Variants in TMCO6 observed in about 807,000 individuals in gnomAD.
The protein encoded by TMCO6 is transmembrane and coiled-coil domains 6, also known as transmembrane and coiled-coil domain-containing protein 6.
TMCO6 carries 47 observed loss-of-function variants against 61.8 expected under a neutral mutation model. That is an observed-to-expected ratio of 0.76 (90% CI 0.60 to 0.97). The LOEUF (loss-of-function observed/expected upper bound fraction) is 0.97. Ranked by LOEUF, TMCO6 falls within the 50% of genes least tolerant of loss-of-function variation. The pLI is 0.00. For synonymous variants in TMCO6, 261 were observed against 254.2 expected, an observed-to-expected ratio of 1.03 and a Z score of -0.25; for missense variants, 557 against 601.6, an observed-to-expected ratio of 0.93 and a Z score of 0.78.
downstream of TMCO6, chr5:140,647,382 G>A: frequency 6.2e-7 from 1 of 1,610,900 alleles, no homozygotes; most frequent in Non-Finnish European, 8.5e-7. Flanking sequence ...CGGAGAGAGC[G>A]CCGCGCGTGC....
upstream of TMCO6, among the ~76,000 whole-genome samples, chr5:140,634,921 T>C (rs1288572368): frequency 6.6e-6 from 1 of 152,220 alleles, no homozygotes; most frequent in African/African-American, 2.4e-5. Context: ...CGGCTGGGAT[T>C]ACAGGCATGT....
At chr5:140,633,144 G>T in the TMCO6 span, 1 of 1,586,338 alleles carries the variant, frequency 6.3e-7, no homozygotes, top group Non-Finnish European at 8.6e-7. Flanking sequence ...CCTACACAGC[G>T]GCACCCGCCG....
chr5:140,624,226 C>T, the TMCO6 span, among the ~76,000 whole-genome samples: 18 of 151,722 alleles, frequency 1.2e-4, no homozygotes, highest in Admixed American at 1.2e-3. Flanking sequence ...TTAGCCAGGC[C>T]TGGTGGTGCC....
chr5:140,596,899 A>G, the TMCO6 span, among the ~76,000 whole-genome samples: 1 of 152,224 alleles, frequency 6.6e-6, no homozygotes, highest in Admixed American at 6.5e-5. Flanking sequence ...TCTGTAAGTA[A>G]TAAAACTACT....
chr5:140,630,483 C>G, the TMCO6 span, among the ~76,000 whole-genome samples: 1 of 152,092 alleles, frequency 6.6e-6, no homozygotes, highest in Non-Finnish European at 1.5e-5. Context: ...TTCCCCCGAC[C>G]CCCACTGGAT....
chr5:140,640,286 C>T (rs1756934384), intron 2 of TMCO6, among the ~76,000 whole-genome samples: 1 of 152,204 alleles, frequency 6.6e-6, no homozygotes, highest in Non-Finnish European at 1.5e-5. Context: ...CTCATCCTAC[C>T]CACCGTCCTC....
the TMCO6 span, among the ~76,000 whole-genome samples, chr5:140,598,973 T>C: frequency 6.6e-6 from 1 of 152,162 alleles, no homozygotes. Context: ...TAAGTGTCTA[T>C]TCCTGTCAGA....
At chr5:140,642,514 C>T in intron 5 of TMCO6, 72 bp from the exon 6 acceptor site, 1 of 1,600,970 alleles carries the variant, frequency 6.2e-7, no homozygotes. Context: ...CTGCCCTGTG[C>T]CAAGGGGCTG....
the TMCO6 span, among the ~76,000 whole-genome samples, chr5:140,597,722 A>G: frequency 6.6e-6 from 1 of 152,216 alleles, no homozygotes; most frequent in Non-Finnish European, 1.5e-5. Context: ...GTCCACTCCA[A>G]TTTATATAGA....
chr5:140,646,533 C>T (rs1757412628), downstream of TMCO6, among the ~76,000 whole-genome samples: 2 of 152,266 alleles, frequency 1.3e-5, no homozygotes, highest in East Asian at 1.9e-4. Context: ...CACCTCCTCC[C>T]GTCATTCCCA....
the TMCO6 span, among the ~76,000 whole-genome samples, chr5:140,607,437 A>G: frequency 6.6e-6 from 1 of 152,192 alleles, no homozygotes; most frequent in Non-Finnish European, 1.5e-5. Context: ...GTATTCATTT[A>G]TCCACTAGTG....
At chr5:140,637,994 TCTTCCTTC>T (rs1010215671), upstream of TMCO6, among the ~76,000 whole-genome samples, 10 of 146,526 alleles carry the variant, frequency 6.8e-5, no homozygotes, top group African/African-American at 2.8e-4. Context: ...TTTCTTTCTT[TCTTCCTTC>T]CTTTCTTTCT....
intron 10 of TMCO6, 25 bp downstream of exon 10, chr5:140,644,219 C>A: frequency 6.2e-7 from 1 of 1,606,764 alleles, no homozygotes; most frequent in South Asian, 1.1e-5. Flanking sequence ...TACTTGAATC[C>A]AAGATCTGGT....
At chr5:140,615,136 G>C in the TMCO6 span, among the ~76,000 whole-genome samples, 4 of 152,080 alleles carry the variant, frequency 2.6e-5, no homozygotes, top group African/African-American at 9.7e-5. Context: ...AAAAATCACT[G>C]TTTCTATATA....
the TMCO6 span, among the ~76,000 whole-genome samples, chr5:140,615,562 AT>A: frequency 6.6e-6 from 1 of 152,230 alleles, no homozygotes; most frequent in Non-Finnish European, 1.5e-5. Context: ...AGTTGCAGTA[AT>A]CAAAACAGTG....
downstream of TMCO6, chr5:140,647,059 T>C: frequency 4.8e-6 from 3 of 631,018 alleles, no homozygotes; most frequent in Non-Finnish European, 7.7e-6. Context: ...TCAGCCTGCA[T>C]ACTTATGTTG....
At chr5:140,635,913 T>A (rs1228953340), upstream of TMCO6, among the ~76,000 whole-genome samples, 1 of 152,244 alleles carries the variant, frequency 6.6e-6, no homozygotes, top group Non-Finnish European at 1.5e-5. Flanking sequence ...TGTAGCTGTC[T>A]GAGCAGACAC....
At chr5:140,613,945 C>A in the TMCO6 span, among the ~76,000 whole-genome samples, 1 of 151,686 alleles carries the variant, frequency 6.6e-6, no homozygotes, top group Non-Finnish European at 1.5e-5. Context: ...GTCGCCCAGG[C>A]TGGAGTGCAG....
the TMCO6 span, among the ~76,000 whole-genome samples, chr5:140,625,818 C>T: frequency 6.6e-6 from 1 of 152,078 alleles, no homozygotes. Flanking sequence ...GAACAAGAGG[C>T]AAAGGAAAGA....
Sources: allele counts gnomAD v4.1 joint callset (sites outside exome capture counted in the v4.1 genomes callset), GRCh38; gene constraint gnomAD v4.1.1; transcripts MANE v1.5; gene names NCBI Gene and HGNC (gene_info 2026-07-23, HGNC 2026-07-21).